The following TYRO3 variants were observed in gnomAD, a reference collection of about 807,000 sequenced individuals.
TYRO3 encodes tyrosine-protein kinase receptor TYRO3.
In TYRO3, 38 loss-of-function variants were observed where a neutral mutation model predicts 95.2. The ratio of observed to expected loss-of-function variants is 0.40; its 90% CI spans 0.31 to 0.52. The LOEUF is 0.52. Among genes scored for constraint, TYRO3 ranks in the 20% least tolerant of loss-of-function variants. The pLI is 0.56. For missense variants in TYRO3, 812 were observed against 1,116.4 expected (o/e 0.73, Z 3.89); for synonymous variants, 367 against 432.9 (o/e 0.85, Z 1.89).
In TYRO3 at chr15:41,569,041, GA is replaced by G. The variant is rs779572197; in HGVS notation, c.1252+20del. 6.2e-6 allele frequency: 10 copies of G among 1,605,914 alleles called. No individual in the cohort carries two copies. The African/African-American group carries it at 1.3e-4, about 21-fold the overall frequency. On this transcript the variant is annotated intron_variant, in intron 9 of 18. Coordinates refer to ENST00000263798, the MANE Select transcript of TYRO3 (RefSeq NM_006293.4). ...CGTGCAGGTGAGGCTTGTAGGTGGA[GA>G]GGGGCAGAGGCTCAGGGGATCAAGG... is the stretch of plus-strand genomic sequence containing the variant.
intron 6 of TYRO3, 24 bp downstream of exon 6, chr15:41,565,165 G>A: frequency 6.9e-7 from 1 of 1,451,416 alleles, no homozygotes; most frequent in Non-Finnish European, 9.6e-7. Context: ...GCCGGGCCAT[G>A]CTCGTTCTGG....
At chr15:41,566,727 C>T (rs556803403) in intron 6 of TYRO3, among the ~76,000 whole-genome samples, 1 of 152,354 alleles carries the variant, frequency 6.6e-6, no homozygotes, top group East Asian at 1.9e-4. Context: ...CTCATTCTGA[C>T]TCGGGACTCC....
chr15:41,570,614 G>A lies in TYRO3; in HGVS notation c.1494G>A (p.Leu498=). The A allele has an allele frequency of 6.2e-7, 1 of 1,614,108 alleles. No individual in the cohort carries two copies. Among genetic ancestry groups the A allele is most frequent in the Non-Finnish European group, 8.5e-7 (1 of 1,180,020 alleles). ...ACCCTTTCCCCACAGTGGACAGCTT[G>A]GGCATCAGCGATGAACTAAAGGAAA... ...PERIEATLDS[L]GISDELKEKL... is the part of the protein sequence containing the mutation. Residue 498 remains leucine, a synonymous_variant, in exon 12 of 19, where the codon TTG becomes TTA. Transcript: ENST00000263798.
At chr15:41,567,667 T>C in intron 7 of TYRO3, 130 bp downstream of exon 7, 1 of 761,550 alleles carries the variant, frequency 1.3e-6, no homozygotes, top group Non-Finnish European at 1.9e-6. Context: ...TTACTGCATA[T>C]AACTACATAC....
Position 41,570,289 on chromosome 15 carries a change from C to T in TYRO3, c.1432C>T (p.Arg478Trp), listed in dbSNP as rs778546483. The T allele has an allele frequency of 5.8e-5, 93 of 1,614,196 alleles. No homozygotes were observed. In the East Asian group the frequency reaches 8.2e-4, roughly 14 times the overall value. Residue 478 changes from arginine to tryptophan, a missense_variant, in exon 11 of 19, where the codon CGG becomes TGG. By Grantham distance (101) the Arg-to-Trp change is moderately radical (BLOSUM62 -3). Coordinates refer to ENST00000263798, the MANE Select transcript of TYRO3 (RefSeq NM_006293.4). Reference protein sequence around the residue: ...MARGEPAVHFRAARSFNRERP... With the variant: ...MARGEPAVHFWAARSFNRERP... ...CCGGGGAGAGCCAGCCGTTCACTTC[C>T]GGGCAGCCCGGTCCTTCAATCGAGA...
intron 15 of TYRO3, 81 bp from the exon 16 acceptor site, chr15:41,572,921 C>A: frequency 8.7e-7 from 1 of 1,145,274 alleles, no homozygotes; most frequent in Non-Finnish European, 1.3e-6. Flanking sequence ...AGCCTTCAGG[C>A]TTTCTGGCCA....
At chr15:41,575,614 G>A (rs78736061) in intron 18 of TYRO3, among the ~76,000 whole-genome samples, 1 of 152,350 alleles carries the variant, frequency 6.6e-6, no homozygotes, top group East Asian at 1.9e-4. Context: ...CCCCTGCTGG[G>A]GGTGTGCTGG....
chr15:41,571,258 G>A (rs952967696), intron 13 of TYRO3, 140 bp downstream of exon 13: 6 of 775,664 alleles, frequency 7.7e-6, no homozygotes, highest in South Asian at 4.9e-5. Context: ...TTTACCACAC[G>A]AATAATTCAC....
At position 41,562,399 on chromosome 15, in the gene TYRO3, G is replaced by A. The variant is rs548775530; in HGVS notation, c.410-149G>A. ...AAGAGAAGCACCGCCTACCTCTCAA[G>A]CTAGATGCCTGTTCTGCTGTTGACC... On this transcript the variant is annotated intron_variant, in intron 3 of 18. Coordinates refer to ENST00000263798, the MANE Select transcript of TYRO3 (RefSeq NM_006293.4). 1.3e-4 allele frequency: 80 copies of A among 607,506 alleles called. No individual in the cohort carries two copies. In the Middle Eastern group the frequency reaches 2.9e-3, roughly 22 times the overall value. The allele number at this position is 607,506 out of a possible 1,614,324, so 37.6% of individuals were successfully genotyped here.
rs2055749072 is a variant in TYRO3, at chr15:41,568,251, C to CTGTG, written c.996_997insTGTG (p.Arg333CysfsTer40). On this transcript the variant is annotated frameshift_variant, in exon 8 of 19. Transcript: ENST00000263798. LOFTEE classifies it high-confidence loss of function. The stretch of plus-strand genomic sequence containing the variant: ...GCGCTCCCCAAAACCTCCATGCCAT[C>CTGTG]CGCACAGATTCAGGCCTCATCTTGG... The CTGTG allele has an allele frequency of 6.2e-7, 1 of 1,613,002 alleles. No individual in the cohort carries two copies. The highest frequency in any genetic ancestry group is 1.7e-5 in the Admixed American group (1 of 59,994).
In TYRO3 at chr15:41,583,514, T is replaced by C. The variant is rs1438961807; in HGVS notation, c.*5238T>C. ...CCCATATCTATTTTGGTTGCTAGAC[T>C]GTTCATCCCAATTACATGTGCCAGT... On this transcript the variant is annotated 3_prime_UTR_variant, in exon 19 of 19. Transcript: ENST00000263798. 1 of 152,238 alleles carries C rather than the reference T, an allele frequency of 6.6e-6. No individual in the cohort carries two copies. Among genetic ancestry groups the C allele is most frequent in the Non-Finnish European group, 1.5e-5 (1 of 68,052 alleles). The allele number at this position is 152,238 out of a possible 1,614,324, so 9.4% of individuals were successfully genotyped here.
In TYRO3 at chr15:41,571,129, G is replaced by T. The variant is rs1566902294; in HGVS notation, c.1660+11G>T. 1 of 1,321,746 alleles carries T rather than the reference G, an allele frequency of 7.6e-7. No homozygotes were observed. The highest frequency in any genetic ancestry group is 1.1e-6 in the Non-Finnish European group (1 of 914,146). The allele number at this position is 1,321,746 out of a possible 1,614,324, so 81.9% of individuals were successfully genotyped here. A position where few individuals can be genotyped will look rare whatever the true frequency, so the allele number is the denominator to read the frequency against. On this transcript the variant is annotated intron_variant, in intron 13 of 18. Coordinates refer to ENST00000263798, the MANE Select transcript of TYRO3 (RefSeq NM_006293.4). ...TGAAGATGCTGAAAGGTGAGTGGGG[G>T]ATAGCTGTAGCCTGAGGGCATCACT...
Position 41,577,988 on chromosome 15 carries a change from G to A in TYRO3, c.2385G>A (p.Val795=), listed in dbSNP as rs751434909. ...AGAACATCTTGGGCCAGCTGTCTGT[G>A]CTATCTGCCAGCCAGGACCCCTTAT... is the stretch of plus-strand genomic sequence containing the variant. ...ELENILGQLS[V]LSASQDPLYI... The change falls in exon 19 of 19, where the codon GTG becomes GTA. Residue 795 remains valine, a synonymous_variant. Coordinates refer to ENST00000263798, the MANE Select transcript of TYRO3 (RefSeq NM_006293.4). 12 of 1,613,848 alleles carry A rather than the reference G, an allele frequency of 7.4e-6. No individual in the cohort carries two copies. The highest frequency in any genetic ancestry group is 1.0e-5 in the Non-Finnish European group (12 of 1,180,056).
chr15:41,560,018 C>T (rs564218735), intron 1 of TYRO3, among the ~76,000 whole-genome samples: 1 of 152,320 alleles, frequency 6.6e-6, no homozygotes, highest in Admixed American at 6.5e-5. Flanking sequence ...ACGGTGCTCT[C>T]CAAGTTCCCA....
intron 3 of TYRO3, 178 bp from the exon 4 acceptor site, chr15:41,562,370 G>T: frequency 1.7e-5 from 7 of 422,676 alleles, no homozygotes; most frequent in Non-Finnish European, 2.4e-5. Context: ...TAAGGAGCCT[G>T]AAAAAGAGAA....
intron 14 of TYRO3, among the ~76,000 whole-genome samples, chr15:41,572,023 TAC>T (rs1264943629): frequency 2.0e-5 from 3 of 149,520 alleles, no homozygotes; most frequent in East Asian, 2.0e-4. Flanking sequence ...ACAAAAAACA[TAC>T]ACACACACAC....
chr15:41,573,303 T>G lies in TYRO3; in HGVS notation c.1986-5T>G. On this transcript the variant is annotated splice_region_variant and splice_polypyrimidine_tract_variant and intron_variant, in intron 16 of 18. Coordinates refer to ENST00000263798, the MANE Select transcript of TYRO3 (RefSeq NM_006293.4). Reference sequence around the variant, plus strand: ...GCTGACTCTCTCCCTCAATGCCCCTTGTAGGCTGGCAGAGGACATGACAGT... The same window carrying G: ...GCTGACTCTCTCCCTCAATGCCCCTGGTAGGCTGGCAGAGGACATGACAGT... 1.9e-6 allele frequency: 3 copies of G among 1,613,856 alleles called. No individual in the cohort carries two copies. Among genetic ancestry groups the G allele is most frequent in the Non-Finnish European group, 2.5e-6 (3 of 1,179,930 alleles).
In TYRO3 at chr15:41,582,759, G is replaced by A. The variant is rs1444702959; in HGVS notation, c.*4483G>A. 6.6e-6 allele frequency: 1 copy of A among 152,054 alleles called. No individual in the cohort carries two copies. Among genetic ancestry groups the A allele is most frequent in the Non-Finnish European group, 1.5e-5 (1 of 68,012 alleles). 9.4% of individuals were successfully genotyped at this position (152,054 alleles called of 1,614,324 possible). A position where few individuals can be genotyped will look rare whatever the true frequency, so the allele number is the denominator to read the frequency against. On this transcript the variant is annotated 3_prime_UTR_variant, in exon 19 of 19. Transcript: ENST00000263798. ...TCTCAAATTTATTGTTGAATAAGAAGTGATACAGAGATTCAAAGTTATTTT... is the reference window on the plus strand; with the variant it reads ...TCTCAAATTTATTGTTGAATAAGAAATGATACAGAGATTCAAAGTTATTTT...
rs1391943496 is a variant in TYRO3 at position 41,573,814 on chromosome 15, G to A, written c.2281G>A (p.Val761Met). Residue 761 changes from valine to methionine, a missense_variant and splice_region_variant, in exon 18 of 19, where the codon GTG becomes ATG. Physicochemically the swap from Val to Met is conservative, Grantham distance 21 (BLOSUM62 1). Coordinates refer to ENST00000263798, the MANE Select transcript of TYRO3 (RefSeq NM_006293.4). Reference protein sequence around the residue: ...LKQPPECMEDVYDLMYQCWSA... With the variant: ...LKQPPECMEDMYDLMYQCWSA... ...ACAGCCTCCGGAGTGTATGGAGGACGTGTGAGTATCCTGGGAAGGGGGCTC... is the reference window on the plus strand; with the variant it reads ...ACAGCCTCCGGAGTGTATGGAGGACATGTGAGTATCCTGGGAAGGGGGCTC... The A allele has an allele frequency of 3.1e-6, 5 of 1,613,822 alleles. No individual in the cohort carries two copies. Among genetic ancestry groups the A allele is most frequent in the Admixed American group, 1.7e-5 (1 of 59,972 alleles).
Sources: allele counts gnomAD v4.1 joint callset (sites outside exome capture counted in the v4.1 genomes callset), GRCh38; gene constraint gnomAD v4.1.1; transcripts MANE v1.5; gene names NCBI Gene and HGNC (gene_info 2026-07-23, HGNC 2026-07-21).